The following ARHGAP24 variants were observed in gnomAD, a reference collection of about 807,000 sequenced individuals.
ARHGAP24 encodes the protein rho GTPase-activating protein 24.
ARHGAP24 carries 50 observed loss-of-function variants against 76.4 expected under a neutral mutation model. The ratio of observed to expected loss-of-function variants is 0.65; its 90% CI spans 0.52 to 0.83. ARHGAP24 has a LOEUF of 0.83. Among genes scored for constraint, ARHGAP24 ranks in the 40% least tolerant of loss-of-function variants. The pLI, the probability that ARHGAP24 is intolerant of heterozygous loss-of-function variation, is 0.00. For synonymous variants in ARHGAP24, 345 were observed against 323.3 expected, an observed-to-expected ratio of 1.07 and a Z score of -0.72; for missense variants, 930 against 914.2, an observed-to-expected ratio of 1.02 and a Z score of -0.22.
At chr4:85,843,503 T>C (rs1730714017) in intron 3 of ARHGAP24, among the ~76,000 whole-genome samples, 1 of 151,772 alleles carries the variant, frequency 6.6e-6, no homozygotes, top group African/African-American at 2.4e-5. Context: ...TTAAATTTAA[T>C]TAAATAATAT....
chr4:85,979,061 G>A (rs907543386), intron 8 of ARHGAP24, among the ~76,000 whole-genome samples: 5 of 152,004 alleles, frequency 3.3e-5, no homozygotes, highest in Admixed American at 6.5e-5. Context: ...GTTGATCCAC[G>A]GATTTGTTGA....
chr4:85,848,631 A>G (rs1560669391), intron 3 of ARHGAP24, among the ~76,000 whole-genome samples: 1 of 152,198 alleles, frequency 6.6e-6, no homozygotes, highest in Non-Finnish European at 1.5e-5. Flanking sequence ...TATAAGGTGC[A>G]AGGAAGAGAT....
chr4:85,483,418 T>C (rs1722892358), intron 1 of ARHGAP24, among the ~76,000 whole-genome samples: 2 of 152,014 alleles, frequency 1.3e-5, no homozygotes, highest in Admixed American at 1.3e-4. Context: ...GTGGATCACC[T>C]GAGGTCAACA....
chr4:85,813,638 T>C (rs1325241828), intron 3 of ARHGAP24, among the ~76,000 whole-genome samples: 1 of 151,774 alleles, frequency 6.6e-6, no homozygotes, highest in African/African-American at 2.4e-5. Context: ...TTTATTTGAT[T>C]TTTATATTTT....
Position 85,824,405 on chromosome 4 carries a change from A to G in ARHGAP24, c.269-99243A>G, listed in dbSNP as rs369902215. Among the ~76,000 whole-genome samples the G allele has an allele frequency of 5.3e-5, 8 of 152,324 alleles. 1 individual carries two copies. The highest frequency in any genetic ancestry group is 1.9e-4 in the African/African-American group (8 of 41,576). Reference sequence around the variant, plus strand: ...AGAAACAACCCCATCCGACTCATCCATGAACCCAGTACTACCCTAAGTGGA... The same window carrying G: ...AGAAACAACCCCATCCGACTCATCCGTGAACCCAGTACTACCCTAAGTGGA... On this transcript the variant is annotated intron_variant, in intron 3 of 9. Coordinates refer to ENST00000395184, the MANE Select transcript of ARHGAP24 (RefSeq NM_001025616.3).
intron 5 of ARHGAP24, among the ~76,000 whole-genome samples, chr4:85,954,484 C>G (rs1443200215): frequency 6.6e-6 from 1 of 152,220 alleles, no homozygotes. Context: ...CCTCTCTGAG[C>G]ACAACAGCTG....
At chr4:85,717,414 G>T (rs965559949) in intron 2 of ARHGAP24, among the ~76,000 whole-genome samples, 3 of 152,006 alleles carry the variant, frequency 2.0e-5, no homozygotes, top group Non-Finnish European at 2.9e-5. Flanking sequence ...TAAGAGTGTG[G>T]TATCATTAAA....
chr4:85,486,147 C>T (rs559091787), intron 1 of ARHGAP24, among the ~76,000 whole-genome samples: 1 of 152,234 alleles, frequency 6.6e-6, no homozygotes, highest in East Asian at 1.9e-4. Flanking sequence ...GAAGGGATAT[C>T]TATAACATGA....
intron 2 of ARHGAP24, among the ~76,000 whole-genome samples, chr4:85,598,204 T>A (rs557992486): frequency 6.6e-6 from 1 of 152,170 alleles, no homozygotes; most frequent in East Asian, 1.9e-4. Context: ...ATTTAATTCT[T>A]TTTAAAAGAA....
intron 2 of ARHGAP24, among the ~76,000 whole-genome samples, chr4:85,677,868 C>A (rs1312071055): frequency 2.0e-5 from 3 of 152,058 alleles, no homozygotes; most frequent in Non-Finnish European, 2.9e-5. Context: ...AAAAACATAG[C>A]AAGACCCTAT....
chr4:85,830,426 A>ATC (rs1729933203), intron 3 of ARHGAP24, among the ~76,000 whole-genome samples: 1 of 152,102 alleles, frequency 6.6e-6, no homozygotes. Context: ...TTTTTAATCC[A>ATC]TCTAGTCCGT....
At chr4:85,616,416 A>G (rs969579791) in intron 2 of ARHGAP24, among the ~76,000 whole-genome samples, 2 of 152,202 alleles carry the variant, frequency 1.3e-5, no homozygotes, top group Non-Finnish European at 2.9e-5. Flanking sequence ...TGATGATCTT[A>G]TGACTCTCTT....
intron 1 of ARHGAP24, among the ~76,000 whole-genome samples, chr4:85,538,927 C>T (rs1381975231): frequency 6.6e-6 from 1 of 152,148 alleles, no homozygotes; most frequent in East Asian, 1.9e-4. Flanking sequence ...CTTTACATTA[C>T]TAATGACATT....
At chr4:85,532,735 A>G (rs1725319470) in intron 1 of ARHGAP24, among the ~76,000 whole-genome samples, 1 of 152,182 alleles carries the variant, frequency 6.6e-6, no homozygotes, top group Admixed American at 6.5e-5. Flanking sequence ...CTGCCATTTC[A>G]TGATCTTGCT....
chr4:85,859,210 C>CAT (rs1578309682), intron 3 of ARHGAP24, among the ~76,000 whole-genome samples: 1 of 81,308 alleles, frequency 1.2e-5, no homozygotes, highest in East Asian at 4.5e-4. Context: ...TAGCCACATG[C>CAT]ATACACACAC....
At chr4:85,706,757 G>A (rs1003377340) in intron 2 of ARHGAP24, among the ~76,000 whole-genome samples, 1 of 151,454 alleles carries the variant, frequency 6.6e-6, no homozygotes. Flanking sequence ...GTAGAGACGG[G>A]GTTTCACCAT....
intron 2 of ARHGAP24, among the ~76,000 whole-genome samples, chr4:85,684,816 T>A (rs1723359802): frequency 6.6e-6 from 1 of 152,208 alleles, no homozygotes; most frequent in African/African-American, 2.4e-5. Flanking sequence ...GAGCCTCTTT[T>A]AACTGCAACA....
intron 2 of ARHGAP24, 24 bp downstream of exon 2, chr4:85,570,745 A>G (rs769383786): frequency 8.1e-6 from 13 of 1,613,142 alleles, no homozygotes; most frequent in East Asian, 4.5e-5. Flanking sequence ...AATGTAAAGC[A>G]TTAAGGGCCT....
chr4:85,860,134 T>C (rs1731806135), intron 3 of ARHGAP24, among the ~76,000 whole-genome samples: 1 of 151,952 alleles, frequency 6.6e-6, no homozygotes, highest in African/African-American at 2.4e-5. Context: ...CCACGGGAAG[T>C]GTATTAATAT....
Sources: gnomAD v4.1 joint callset for allele counts (sites outside exome capture counted in the v4.1 genomes callset) on GRCh38, gnomAD v4.1.1 for gene constraint, MANE v1.5 for transcripts, NCBI Gene and HGNC (gene_info 2026-07-23, HGNC 2026-07-21) for gene names.